RGS20: variants seen among roughly 807,000 people sequenced by gnomAD.
The protein encoded by RGS20 is regulator of G protein signaling 20, also known as gz-selective GTPase-activating protein.
RGS20 carries 30 observed loss-of-function variants against 33.6 expected under a neutral mutation model. That is an observed-to-expected ratio of 0.89 (90% CI 0.67 to 1.21). The LOEUF (loss-of-function observed/expected upper bound fraction) is 1.21. Among genes scored for constraint, RGS20 ranks in the 50% most tolerant of loss-of-function variants. RGS20 has a pLI of 0.00. For synonymous variants in RGS20, 208 were observed against 197.9 expected, an observed-to-expected ratio of 1.05 and a Z score of -0.43; for missense variants, 472 against 502.4, an observed-to-expected ratio of 0.94 and a Z score of 0.58.
intron 4 of RGS20, 61 bp downstream of exon 3, chr8:53,946,809 C>A (rs1331796410): frequency 1.4e-6 from 2 of 1,386,344 alleles, no homozygotes; most frequent in Admixed American, 3.6e-5. Flanking sequence ...TCTTTCTTTT[C>A]TTTGCCTTGT....
intron 2 of RGS20, among the ~76,000 whole-genome samples, chr8:53,930,853 T>C (rs2129288634): frequency 6.6e-6 from 1 of 152,288 alleles, no homozygotes; most frequent in South Asian, 2.1e-4. Flanking sequence ...CAACATCTCA[T>C]AGGAAATAAT....
At chr8:53,863,469 T>C (rs1811852261) in intron 1 of RGS20, among the ~76,000 whole-genome samples, 1 of 152,120 alleles carries the variant, frequency 6.6e-6, no homozygotes, top group Admixed American at 6.5e-5. Flanking sequence ...AATGGTGACA[T>C]CTGGTGGAAA....
intron 1 of RGS20, among the ~76,000 whole-genome samples, chr8:53,852,534 G>C (rs1026098239): frequency 6.6e-6 from 1 of 152,100 alleles, no homozygotes; most frequent in African/African-American, 2.4e-5. Context: ...CAAATTCAAA[G>C]TTTCCAAAGG....
At position 53,889,412 on chromosome 8, in the gene RGS20, CTTTTTTTTTTTTTTTT is replaced by C. The variant is rs34316630; in HGVS notation, c.510+9834_510+9849del. ...TCTTTCTTTCTTTCTCTCTCTCTCT[CTTTTTTTTTTTTTTTT>C]TTTTTTTTTTTTTTTTTTTTTTTGA... is the stretch of plus-strand genomic sequence containing the variant. On this transcript the variant is annotated intron_variant, in intron 2 of 5. Transcript: ENST00000297313. Among the ~76,000 whole-genome samples, 607 of 41,866 alleles carry C rather than the reference CTTTTTTTTTTTTTTTT, an allele frequency of 0.014. 27 individuals are homozygous for C. The East Asian group carries it at 0.21, about 14-fold the overall frequency. 27.5% of individuals were successfully genotyped at this position (41,866 alleles called of 152,430 possible).
chr8:53,931,628 C>A (rs1480417870), intron 2 of RGS20, among the ~76,000 whole-genome samples: 1 of 152,146 alleles, frequency 6.6e-6, no homozygotes, highest in Non-Finnish European at 1.5e-5. Flanking sequence ...TGAATAGGAA[C>A]AGCTCCGGTC....
At position 53,859,852 on chromosome 8, in the gene RGS20, A is replaced by T. The variant is rs560583025; in HGVS notation, c.165+7788A>T. ...TTATAAAGCCGTCGGATCTCATGAG[A>T]CTTATTCACTATCATGAGAACAGCA... On this transcript the variant is annotated intron_variant, in intron 1 of 5. Coordinates refer to ENST00000297313, the MANE Select transcript of RGS20 (RefSeq NM_170587.4). 2.4e-4 allele frequency among the ~76,000 whole-genome samples: 36 copies of T among 152,234 alleles called. No homozygotes were observed. The South Asian group carries it at 7.5e-3, about 32-fold the overall frequency.
At chr8:53,918,811 T>C (rs527832590) in intron 2 of RGS20, among the ~76,000 whole-genome samples, 1 of 152,346 alleles carries the variant, frequency 6.6e-6, no homozygotes, top group South Asian at 2.1e-4. Context: ...CATCAGTTGA[T>C]AGATATTTGT....
chr8:53,901,696 A>C (rs944946927), intron 2 of RGS20, among the ~76,000 whole-genome samples: 6 of 152,212 alleles, frequency 3.9e-5, no homozygotes, highest in Non-Finnish European at 5.9e-5. Flanking sequence ...AGAGTAGTCA[A>C]AATTATGGAG....
At chr8:53,910,956 T>G (rs1813331790) in intron 2 of RGS20, among the ~76,000 whole-genome samples, 1 of 152,144 alleles carries the variant, frequency 6.6e-6, no homozygotes, top group African/African-American at 2.4e-5. Flanking sequence ...CTGATCAAAA[T>G]GTAAAGAAAC....
At chr8:53,948,379 T>TAC (rs1814601305) in intron 4 of RGS20, among the ~76,000 whole-genome samples, 5 of 142,666 alleles carry the variant, frequency 3.5e-5, no homozygotes, top group Admixed American at 1.4e-4. Flanking sequence ...AGTATATATT[T>TAC]ATATATGCTA....
At chr8:53,890,837 A>G (rs1183706491) in intron 2 of RGS20, among the ~76,000 whole-genome samples, 1 of 152,144 alleles carries the variant, frequency 6.6e-6, no homozygotes, top group Non-Finnish European at 1.5e-5. Flanking sequence ...TCGCTATGTT[A>G]CCCAGACTGG....
At chr8:53,856,586 G>T (rs1811674830) in intron 1 of RGS20, among the ~76,000 whole-genome samples, 1 of 152,178 alleles carries the variant, frequency 6.6e-6, no homozygotes, top group South Asian at 2.1e-4. Context: ...AAGTGGGAGG[G>T]CGGGTGAACT....
chr8:53,948,678 A>G (rs1814615842), intron 4 of RGS20, among the ~76,000 whole-genome samples: 2 of 132,090 alleles, frequency 1.5e-5, no homozygotes, highest in Admixed American at 1.6e-4. Context: ...TATGCTATAT[A>G]AGATACAGTA....
At chr8:53,923,595 A>AG (rs1813710156) in intron 2 of RGS20, among the ~76,000 whole-genome samples, 1 of 146,014 alleles carries the variant, frequency 6.8e-6, no homozygotes, top group Non-Finnish European at 1.5e-5. Context: ...ACTCTGTCTC[A>AG]AAAAAAAAAA....
At chr8:53,857,957 T>C (rs1259563517) in intron 1 of RGS20, among the ~76,000 whole-genome samples, 3 of 152,216 alleles carry the variant, frequency 2.0e-5, no homozygotes, top group African/African-American at 7.2e-5. Flanking sequence ...TTCTACCATG[T>C]ATACAAATAT....
At chr8:53,889,405 T>TCC in intron 2 of RGS20, among the ~76,000 whole-genome samples, 3 of 116,174 alleles carry the variant, frequency 2.6e-5, no homozygotes, top group African/African-American at 8.3e-5. Context: ...TCTTTCTCTC[T>TCC]CTCTCTCTTT....
At chr8:53,893,718 C>T (rs1440570285) in intron 2 of RGS20, among the ~76,000 whole-genome samples, 1 of 152,062 alleles carries the variant, frequency 6.6e-6, no homozygotes, top group Non-Finnish European at 1.5e-5. Flanking sequence ...TGCCTTCGGC[C>T]CCTTGAGTGA....
chr8:53,882,719 G>A (rs1000669538), intron 2 of RGS20, among the ~76,000 whole-genome samples: 1 of 152,114 alleles, frequency 6.6e-6, no homozygotes, highest in Admixed American at 6.5e-5. Context: ...ACCTGGCTGG[G>A]GTTCGTTGGT....
chr8:53,867,547 G>T lies in RGS20; in HGVS notation c.166-11711G>T, dbSNP rs577613320. Reference sequence around the variant, plus strand: ...ATCCTGCTAATATCTTCATTTTGGTGTGCACTCTTTACTGTGTAAAATGTC... The same window carrying T: ...ATCCTGCTAATATCTTCATTTTGGTTTGCACTCTTTACTGTGTAAAATGTC... On this transcript the variant is annotated intron_variant, in intron 1 of 5. Transcript: ENST00000297313. 1.4e-4 allele frequency among the ~76,000 whole-genome samples: 22 copies of T among 152,192 alleles called. 1 individual carries two copies. The highest frequency in any genetic ancestry group is 1.2e-3 in the Admixed American group (18 of 15,288).
Sources: allele counts gnomAD v4.1 joint callset (sites outside exome capture counted in the v4.1 genomes callset), GRCh38; gene constraint gnomAD v4.1.1; transcripts MANE v1.5; gene names NCBI Gene and HGNC (gene_info 2026-07-23, HGNC 2026-07-21).